Variants in SLC26A8 observed in about 807,000 individuals in gnomAD.
The protein encoded by SLC26A8 is solute carrier family 26 member 8, also known as testis anion transporter 1.
Under a neutral mutation model 105.0 loss-of-function variants are expected in SLC26A8, and 70 were observed. The observed-to-expected ratio is 0.67, with a 90% confidence interval of 0.55 to 0.81. The LOEUF (loss-of-function observed/expected upper bound fraction) is 0.81, where lower values mean the gene tolerates loss of function less well. Among genes scored for constraint, SLC26A8 ranks in the 40% least tolerant of loss-of-function variants. The pLI is 0.00. For synonymous variants in SLC26A8, 415 were observed against 438.3 expected, an observed-to-expected ratio of 0.95 and a Z score of 0.66; for missense variants, 998 against 1,181.8, an observed-to-expected ratio of 0.84 and a Z score of 2.28.
At chr6:35,997,164 G>A (rs1016618623) in intron 5 of SLC26A8, among the ~76,000 whole-genome samples, 5 of 152,134 alleles carry the variant, frequency 3.3e-5, no homozygotes, top group South Asian at 2.1e-4. Flanking sequence ...GTTAGGAACC[G>A]GGTGCTGCAC....
Position 36,003,356 on chromosome 6 carries a change from C to T in SLC26A8, c.329-3248G>A, listed in dbSNP as rs559292239. Among the ~76,000 whole-genome samples the T allele has an allele frequency of 3.9e-4, 59 of 152,258 alleles. No individual in the cohort carries two copies. In the South Asian group the frequency reaches 0.011, roughly 27 times the overall value. On this transcript the variant is annotated intron_variant, in intron 3 of 19. Coordinates refer to ENST00000490799, the MANE Select transcript of SLC26A8 (RefSeq NM_052961.4). Reference sequence around the variant, plus strand: ...TGATACACATCATGTGATTCATATACGTGTGACTCTTTTTTCTGTTTCATT... The same window carrying T: ...TGATACACATCATGTGATTCATATATGTGTGACTCTTTTTTCTGTTTCATT...
In SLC26A8 at chr6:35,994,577, C is replaced by CTT. The variant is rs35718010; in HGVS notation, c.628-1905_628-1904dup. ...CTCTGCCAATCCATGTGCATCATCT[C>CTT]TTTTTTTTTTTTTTTTGAGACGGAG... On this transcript the variant is annotated intron_variant, in intron 5 of 19. Transcript: ENST00000490799. 3.5e-3 allele frequency among the ~76,000 whole-genome samples: 459 copies of CTT among 132,004 alleles called. 5 individuals carry two copies. The highest frequency in any genetic ancestry group is 0.012 in the Middle Eastern group (3 of 252). 86.6% of individuals were successfully genotyped at this position (132,004 alleles called of 152,430 possible).
chr6:35,991,822 A>G lies in SLC26A8; in HGVS notation c.793-14T>C. 1 of 1,576,166 alleles carries G rather than the reference A, an allele frequency of 6.3e-7. No homozygotes were observed. The highest frequency in any genetic ancestry group is 8.6e-7 in the Non-Finnish European group (1 of 1,165,294). On this transcript the variant is annotated splice_polypyrimidine_tract_variant and intron_variant, in intron 6 of 19. Coordinates refer to ENST00000490799, the MANE Select transcript of SLC26A8 (RefSeq NM_052961.4). ...ATTAATTATGTCCTGAAAGAAAATA[A>G]AATTACGGAGGCTTAGAAAGGGATG...
chr6:35,950,453 ATTTTTGTAGT>A (rs1771829661), intron 19 of SLC26A8, among the ~76,000 whole-genome samples: 1 of 151,632 alleles, frequency 6.6e-6, no homozygotes, highest in Admixed American at 6.6e-5. Flanking sequence ...TGCCTGGCTA[ATTTTTGTAGT>A]TCTAGTAGAG....
intron 2 of SLC26A8, among the ~76,000 whole-genome samples, chr6:36,017,519 C>T (rs1326978833): frequency 6.6e-6 from 1 of 152,064 alleles, no homozygotes; most frequent in East Asian, 1.9e-4. Flanking sequence ...GTAGTCCCCA[C>T]TACTCAGGAG....
chr6:35,997,774 C>G lies in SLC26A8; in HGVS notation c.591G>C (p.Val197=). The part of the protein sequence containing the change: ...YLMGYNKSLS[V]VATTTFLTGI... ...CAGTCAGAAAAGTTGTGGTTGCCAC[C>G]ACACTCAAGGATTTATTATAGCCCA... The change falls in exon 5 of 20, where the codon GTG becomes GTC. Residue 197 remains valine (V), a synonymous_variant. Coordinates refer to ENST00000490799, the MANE Select transcript of SLC26A8 (RefSeq NM_052961.4). 6.2e-7 allele frequency: 1 copy of G among 1,614,116 alleles called. No individual in the cohort carries two copies. Among genetic ancestry groups the G allele is most frequent in the South Asian group, 1.1e-5 (1 of 91,074 alleles).
intron 3 of SLC26A8, among the ~76,000 whole-genome samples, chr6:36,011,132 G>A (rs541432049): frequency 6.6e-6 from 1 of 152,262 alleles, no homozygotes; most frequent in African/African-American, 2.4e-5. Flanking sequence ...AAACTACTGT[G>A]AGTAAAGGAT....
intron 19 of SLC26A8, among the ~76,000 whole-genome samples, chr6:35,947,751 C>A (rs1194598703): frequency 1.3e-5 from 2 of 151,740 alleles, no homozygotes; most frequent in Non-Finnish European, 2.9e-5. Flanking sequence ...GGCAACATGG[C>A]AAAACCCCGT....
chr6:35,995,823 T>C (rs1761336063), intron 5 of SLC26A8, among the ~76,000 whole-genome samples: 1 of 152,104 alleles, frequency 6.6e-6, no homozygotes, highest in South Asian at 2.1e-4. Flanking sequence ...CTTCCTTTTT[T>C]AGATGAAAAA....
At chr6:35,991,420 A>C (rs1379085026) in intron 7 of SLC26A8, among the ~76,000 whole-genome samples, 1 of 151,664 alleles carries the variant, frequency 6.6e-6, no homozygotes, top group South Asian at 2.1e-4. Flanking sequence ...AAAAAAAAAA[A>C]ACTTGATTTA....
intron 17 of SLC26A8, among the ~76,000 whole-genome samples, chr6:35,954,287 G>A (rs1771976820): frequency 6.6e-6 from 1 of 152,188 alleles, no homozygotes; most frequent in Non-Finnish European, 1.5e-5. Context: ...CTTTTCACCT[G>A]ATGATGTGTC....
chr6:36,020,397 A>G (rs1360411589), intron 1 of SLC26A8, among the ~76,000 whole-genome samples: 1 of 152,198 alleles, frequency 6.6e-6, no homozygotes, highest in Non-Finnish European at 1.5e-5. Flanking sequence ...GGTGTAGCAG[A>G]AAAAGCTATA....
chr6:35,959,912 T>C, intron 14 of SLC26A8, 106 bp from the exon 15 acceptor site: 3 of 916,938 alleles, frequency 3.3e-6, no homozygotes, highest in Non-Finnish European at 4.9e-6. Context: ...TCTTTTTTAT[T>C]TTTTTATTTT....
intron 6 of SLC26A8, 117 bp downstream of exon 6, chr6:35,992,393 G>A: frequency 5.7e-6 from 6 of 1,050,780 alleles, no homozygotes; most frequent in Non-Finnish European, 8.2e-6. Flanking sequence ...TGACTGAGCT[G>A]CCTATAGGCT....
chr6:36,016,445 G>A lies in SLC26A8; in HGVS notation c.188+3075C>T, dbSNP rs186279931. ...TGAATGTTGGCAACAAAACACAGTA[G>A]TATCAGCAGAACTTGACTTTGTCAC... On this transcript the variant is annotated intron_variant, in intron 2 of 19. Transcript: ENST00000490799. 2.0e-4 allele frequency among the ~76,000 whole-genome samples: 31 copies of A among 152,272 alleles called. No individual in the cohort carries two copies. In the East Asian group the frequency reaches 5.6e-3, roughly 27 times the overall value.
At chr6:36,023,705 G>T (rs1013509661) in intron 1 of SLC26A8, among the ~76,000 whole-genome samples, 1 of 151,950 alleles carries the variant, frequency 6.6e-6, no homozygotes, top group African/African-American at 2.4e-5. Context: ...CTATAATCAC[G>T]GAAAGGCAAA....
intron 11 of SLC26A8, among the ~76,000 whole-genome samples, chr6:35,966,385 A>T (rs1772518211): frequency 6.6e-6 from 1 of 152,202 alleles, no homozygotes; most frequent in Admixed American, 6.5e-5. Flanking sequence ...GACTTGAGGC[A>T]GGGAGTATGG....
At position 35,944,166 on chromosome 6, in the gene SLC26A8, C is replaced by G. The variant is rs550711405; in HGVS notation, c.2647G>C (p.Glu883Gln). Residue 883 changes from glutamate (E) to glutamine (Q), a missense_variant, in exon 20 of 20, where the codon GAG becomes CAG. Glu to Gln is a conservative substitution (Grantham distance 29, BLOSUM62 2). Transcript: ENST00000490799. ...TCAGCCTTGGGCTCCATTTCAGGCT[C>G]CAGCTCCCGATCCAGGTCTAGGTCC... is the stretch of plus-strand genomic sequence containing the variant. ...GLDLDLDREL[E>Q]PEMEPKAETE... is the part of the protein sequence containing the mutation. 6.2e-7 allele frequency: 1 copy of G among 1,614,092 alleles called. No homozygotes were observed. Among genetic ancestry groups the G allele is most frequent in the African/African-American group, 1.3e-5 (1 of 75,014 alleles).
Position 36,019,436 on chromosome 6 carries a change from GA to G in SLC26A8, c.188+83del, listed in dbSNP as rs879776431. On this transcript the variant is annotated intron_variant, in intron 2 of 19. Coordinates refer to ENST00000490799, the MANE Select transcript of SLC26A8 (RefSeq NM_052961.4). ...ATTCTGATTACAGGAACTCAGACAA[GA>G]AAGAGAAACGGACCCCAAAGGAGTC... 3 of 1,383,342 alleles carry G rather than the reference GA, an allele frequency of 2.2e-6. No homozygotes were observed. The African/African-American group carries it at 4.4e-5, about 20-fold the overall frequency. 85.7% of individuals were successfully genotyped at this position (1,383,342 alleles called of 1,614,324 possible).
Sources: allele counts gnomAD v4.1 joint callset (sites outside exome capture counted in the v4.1 genomes callset), GRCh38; gene constraint gnomAD v4.1.1; transcripts MANE v1.5; gene names NCBI Gene and HGNC (gene_info 2026-07-23, HGNC 2026-07-21).